Variants in GRID2IP observed in about 807,000 individuals in gnomAD.
The protein encoded by GRID2IP is Grid2 interacting protein.
A neutral mutation model predicts 114.3 loss-of-function variants in GRID2IP; 78 were observed. That is an observed-to-expected ratio of 0.68 (90% CI 0.57 to 0.82). GRID2IP has a LOEUF of 0.82. Among genes scored for constraint, GRID2IP ranks in the 40% least tolerant of loss-of-function variants. GRID2IP has a pLI of 0.00. For missense variants in GRID2IP, 1,727 were observed against 1,678.5 expected, an observed-to-expected ratio of 1.03 and a Z score of -0.51; for synonymous variants, 809 against 724.0, an observed-to-expected ratio of 1.12 and a Z score of -1.89.
chr7:6,501,921 CT>C (rs1786426811), intron 19 of GRID2IP, 22 bp from the exon 20 acceptor site: 21 of 1,550,566 alleles, frequency 1.4e-5, no homozygotes, highest in Non-Finnish European at 1.8e-5. Context: ...AGGACAGGGG[CT>C]GCATGGGGCC....
chr7:6,539,326 T>C (rs368109006), intron 2 of GRID2IP, among the ~76,000 whole-genome samples: 2 of 152,138 alleles, frequency 1.3e-5, no homozygotes, highest in Non-Finnish European at 2.9e-5. Context: ...GGGGTCTTTC[T>C]ATGTTGCGTG....
chr7:6,542,812 A>G (rs566173271), intron 1 of GRID2IP, among the ~76,000 whole-genome samples: 2 of 152,268 alleles, frequency 1.3e-5, no homozygotes, highest in Admixed American at 1.3e-4. Context: ...AATTGCCCAC[A>G]TGTCATACAG....
intron 1 of GRID2IP, among the ~76,000 whole-genome samples, chr7:6,546,206 C>G (rs1779886118): frequency 1.3e-5 from 2 of 151,524 alleles, no homozygotes; most frequent in African/African-American, 4.8e-5. Context: ...GCCTGTAATC[C>G]CAGCACTTTG....
chr7:6,542,801 G>T (rs547949690), intron 1 of GRID2IP, among the ~76,000 whole-genome samples: 1 of 152,202 alleles, frequency 6.6e-6, no homozygotes, highest in South Asian at 2.1e-4. Context: ...AAAAACCATC[G>T]AATTGCCCAC....
At chr7:6,518,487 C>T (rs980796005) in intron 7 of GRID2IP, among the ~76,000 whole-genome samples, 1 of 152,124 alleles carries the variant, frequency 6.6e-6, no homozygotes, top group Non-Finnish European at 1.5e-5. Flanking sequence ...CCTGTAATCC[C>T]AGCACTTTGG....
Position 6,497,607 on chromosome 7 carries a change from G to A in GRID2IP, c.*167C>T, listed in dbSNP as rs916845421. 5.4e-6 allele frequency: 3 copies of A among 559,244 alleles called. No individual in the cohort carries two copies. Among genetic ancestry groups the A allele is most frequent in the Non-Finnish European group, 9.5e-6 (3 of 316,356 alleles). The allele number at this position is 559,244 out of a possible 1,614,324, so 34.6% of individuals were successfully genotyped here. On this transcript the variant is annotated 3_prime_UTR_variant, in exon 22 of 22. Transcript: ENST00000457091. ...GGGCCTGGGGGTAGGAACAAGGGCT[G>A]GCAGAGGAGGGCCCGACCACAGCTC...
Position 6,521,940 on chromosome 7 carries a change from C to A in GRID2IP, c.937G>T (p.Ala313Ser), listed in dbSNP as rs933706489. 9 of 1,551,328 alleles carry A rather than the reference C, an allele frequency of 5.8e-6. No homozygotes were observed. Among genetic ancestry groups the A allele is most frequent in the African/African-American group, 1.4e-5 (1 of 73,024 alleles). Residue 313 changes from alanine (A) to serine (S), a missense_variant, in exon 5 of 22, where the codon GCT becomes TCT. Physicochemically the swap from Ala to Ser is moderately conservative, Grantham distance 99. Coordinates refer to ENST00000457091, the MANE Select transcript of GRID2IP (RefSeq NM_001145118.2). This position sits in a 1 kb window ranked among gnomAD's most constrained non-coding sequence, Gnocchi z 4.1. ...ATCCGGTCACCTGACTTGAGGGCAG[C>A]ATTGTCAGCTGGGCTCCCTGGAAGC... ...SVLPGSPADNAALKSGDRILF... is the reference protein window; with the variant it reads ...SVLPGSPADNSALKSGDRILF...
At chr7:6,548,735 G>A (rs188755244) in intron 1 of GRID2IP, among the ~76,000 whole-genome samples, 6 of 151,980 alleles carry the variant, frequency 3.9e-5, no homozygotes, top group South Asian at 2.1e-4. Context: ...CCAGCTACGC[G>A]GGAGGCTGAG....
chr7:6,543,147 C>T (rs1779838202), intron 1 of GRID2IP, among the ~76,000 whole-genome samples: 1 of 152,170 alleles, frequency 6.6e-6, no homozygotes, highest in Non-Finnish European at 1.5e-5. Context: ...GTCATCCCAG[C>T]ACTTTGGGAG....
intron 1 of GRID2IP, among the ~76,000 whole-genome samples, chr7:6,544,947 C>T (rs1242560197): frequency 2.0e-5 from 3 of 151,944 alleles, no homozygotes; most frequent in East Asian, 1.9e-4. Flanking sequence ...GCCAGGTGGG[C>T]GTGATGGCGG....
intron 20 of GRID2IP, among the ~76,000 whole-genome samples, chr7:6,499,356 G>A (rs79078089): frequency 0.16 from 24,478 of 152,228 alleles, 2,324 homozygotes; most frequent in Non-Finnish European, 0.21. Flanking sequence ...AGCAGGTAAG[G>A]AAATGAGCCA....
rs1583341457 is a variant in GRID2IP at position 6,515,474 on chromosome 7, A to G, written c.1269-945T>C. Among the ~76,000 whole-genome samples, 3 of 146,062 alleles carry G rather than the reference A, an allele frequency of 2.1e-5. No individual in the cohort carries two copies. The South Asian group carries it at 6.5e-4, about 32-fold the overall frequency. ...AGACTCTGTCTCAAAAAAACCCAAA[A>G]AACCAAAAAACATATAGAGCAGGCC... On this transcript the variant is annotated intron_variant, in intron 7 of 21. Transcript: ENST00000457091.
In GRID2IP at chr7:6,522,237, A is replaced by G. The variant is rs148683158; in HGVS notation, c.920-280T>C. On this transcript the variant is annotated intron_variant, in intron 4 of 21. Transcript: ENST00000457091. ...AGGCATGGGTGGCAGAGGAGAGTCA[A>G]ATCAGGTCAGCAGACCCCTGTAATA... is the stretch of plus-strand genomic sequence containing the variant. 2.0e-5 allele frequency among the ~76,000 whole-genome samples: 3 copies of G among 152,232 alleles called. No individual in the cohort carries two copies. The East Asian group carries it at 5.8e-4, about 29-fold the overall frequency.
chr7:6,503,618 C>G lies in GRID2IP; in HGVS notation c.2780G>C (p.Arg927Pro). ...LRQVLMSMEPRRLEPAHLAQL... is the reference protein window; with the variant it reads ...LRQVLMSMEPPRLEPAHLAQL... ...CGCGAGATGTGCGGGCTCCAGGCGC[C>G]GGGGCTCCATGCTCATCAGCACCTG... is the stretch of plus-strand genomic sequence containing the variant. The change falls in exon 16 of 22, where the codon CGG becomes CCG. Residue 927 changes from arginine (R) to proline (P), a missense_variant. Coordinates refer to ENST00000457091, the MANE Select transcript of GRID2IP (RefSeq NM_001145118.2). 2 of 1,528,560 alleles carry G rather than the reference C, an allele frequency of 1.3e-6. No individual in the cohort carries two copies. The highest frequency in any genetic ancestry group is 2.5e-5 in the East Asian group (1 of 40,078). 94.7% of individuals were successfully genotyped at this position (1,528,560 alleles called of 1,614,324 possible).
intron 2 of GRID2IP, among the ~76,000 whole-genome samples, chr7:6,529,038 C>T (rs1312713045): frequency 6.6e-6 from 1 of 152,166 alleles, no homozygotes; most frequent in Non-Finnish European, 1.5e-5. Flanking sequence ...AGACTGTCCA[C>T]CTCACTTCCG....
In GRID2IP at chr7:6,526,163, C is replaced by T. The variant is rs930226523; in HGVS notation, c.919+61G>A. 4 of 1,350,302 alleles carry T rather than the reference C, an allele frequency of 3.0e-6. No individual in the cohort carries two copies. Among genetic ancestry groups the T allele is most frequent in the African/African-American group, 2.9e-5 (2 of 68,994 alleles). The allele number at this position is 1,350,302 out of a possible 1,614,324, so 83.6% of individuals were successfully genotyped here. On this transcript the variant is annotated intron_variant, in intron 4 of 21. Coordinates refer to ENST00000457091, the MANE Select transcript of GRID2IP (RefSeq NM_001145118.2). The surrounding 1 kb of genome is among the most constrained non-coding windows in gnomAD (Gnocchi z 7.6). ...GTACAATGACCCGGCAGAGCCACCA[C>T]GGGGCCCTTCACCCCATCCTGGGCC...
chr7:6,523,097 T>C lies in GRID2IP; in HGVS notation c.920-1140A>G, dbSNP rs1469139745. 6.6e-6 allele frequency among the ~76,000 whole-genome samples: 1 copy of C among 152,030 alleles called. No homozygotes were observed. Among genetic ancestry groups the C allele is most frequent in the Non-Finnish European group, 1.5e-5 (1 of 68,010 alleles). The stretch of plus-strand genomic sequence containing the variant: ...GGGATTACAGGTGTGAGCCACCACG[T>C]AGTCCTCTTTCTGCCTCTTTTATGA... On this transcript the variant is annotated intron_variant, in intron 4 of 21. Transcript: ENST00000457091. This position sits in a 1 kb window ranked among gnomAD's most constrained non-coding sequence, Gnocchi z 4.5.
In GRID2IP at chr7:6,551,450, G is replaced by C. The variant is rs767663314; in HGVS notation, c.-14C>G. 2 of 1,537,364 alleles carry C rather than the reference G, an allele frequency of 1.3e-6. No homozygotes were observed. Among genetic ancestry groups the C allele is most frequent in the South Asian group, 1.2e-5 (1 of 82,526 alleles). ...AGTGGTGGCCATGCACCTAGAACTG[G>C]AGACAGAACAGGGATTTCCTTGCTG... On this transcript the variant is annotated 5_prime_UTR_variant, in exon 1 of 22. Transcript: ENST00000457091.
intron 7 of GRID2IP, among the ~76,000 whole-genome samples, chr7:6,518,646 G>C (rs1220981896): frequency 6.6e-6 from 1 of 152,030 alleles, no homozygotes; most frequent in East Asian, 1.9e-4. Context: ...TGAGGCAGGA[G>C]AATCGCTTGA....
Sources: allele counts gnomAD v4.1 joint callset (sites outside exome capture counted in the v4.1 genomes callset), GRCh38; gene constraint gnomAD v4.1.1; non-coding constraint Gnocchi (gnomAD v3.1); transcripts MANE v1.5; gene names NCBI Gene and HGNC (gene_info 2026-07-23, HGNC 2026-07-21).